Variants in REEP3 observed in about 807,000 individuals in gnomAD.
REEP3 encodes receptor accessory protein 3.
A neutral mutation model predicts 41.3 loss-of-function variants in REEP3; 20 were observed. The observed-to-expected ratio is 0.48, with a 90% CI of 0.34 to 0.70. The LOEUF is 0.70. Ranked by LOEUF, REEP3 falls within the 30% of genes least tolerant of loss-of-function variation. REEP3 has a pLI of 0.01. For synonymous variants in REEP3, 104 were observed against 101.8 expected (o/e 1.02, Z -0.13); for missense variants, 271 against 308.8 (o/e 0.88, Z 0.92).
intron 2 of REEP3, among the ~76,000 whole-genome samples, chr10:63,586,394 A>G (rs935032676): frequency 1.3e-5 from 2 of 152,202 alleles, no homozygotes; most frequent in African/African-American, 4.8e-5. Context: ...CTTCAAAAGA[A>G]CTTGCCTAAT....
intron 7 of REEP3, 68 bp downstream of exon 7, chr10:63,619,868 G>A (rs369786438): frequency 4.1e-6 from 5 of 1,207,978 alleles, no homozygotes; most frequent in Non-Finnish European, 5.7e-6. Flanking sequence ...TATCATTTAG[G>A]ATATTAATGA....
At chr10:63,533,349 A>G (rs537198122) in intron 1 of REEP3, among the ~76,000 whole-genome samples, 1 of 152,262 alleles carries the variant, frequency 6.6e-6, no homozygotes, top group African/African-American at 2.4e-5. Flanking sequence ...ATATTTGGTG[A>G]TATTTGCCTA....
chr10:63,557,303 A>G (rs1217721261), intron 1 of REEP3, among the ~76,000 whole-genome samples: 1 of 152,222 alleles, frequency 6.6e-6, no homozygotes, highest in Non-Finnish European at 1.5e-5. Flanking sequence ...AGAAGTATAT[A>G]ACTTGAAGAG....
chr10:63,598,079 T>C lies in REEP3; in HGVS notation c.238T>C (p.Tyr80His). The C allele has an allele frequency of 6.2e-7, 1 of 1,603,662 alleles. No homozygotes were observed. The highest frequency in any genetic ancestry group is 8.5e-7 in the Non-Finnish European group (1 of 1,170,756). The part of the protein sequence containing the change: ...IAFVIWLLSP[Y>H]TKGASLIYRK... ...TTTTGTCATATGGCTGCTTTCTCCC[T>C]ATACCAAAGGAGCAAGTTTAATATA... Residue 80 changes from tyrosine (Y) to histidine (H), a missense_variant, in exon 4 of 8, where the codon TAT becomes CAT. Transcript: ENST00000373758.
At chr10:63,558,946 T>C (rs976345259) in intron 1 of REEP3, among the ~76,000 whole-genome samples, 1 of 152,148 alleles carries the variant, frequency 6.6e-6, no homozygotes, top group African/African-American at 2.4e-5. Context: ...AGTTTACCTC[T>C]AGTCTCATTG....
chr10:63,577,400 C>T (rs1955907511), intron 2 of REEP3, among the ~76,000 whole-genome samples: 1 of 152,050 alleles, frequency 6.6e-6, no homozygotes, highest in African/African-American at 2.4e-5. Flanking sequence ...AGATGTACAG[C>T]CATCCTTCCT....
intron 1 of REEP3, among the ~76,000 whole-genome samples, chr10:63,540,374 T>C (rs1955517861): frequency 6.6e-6 from 1 of 152,246 alleles, no homozygotes; most frequent in African/African-American, 2.4e-5. Context: ...CTTGAAAAGA[T>C]CATTTGTAAA....
intron 2 of REEP3, among the ~76,000 whole-genome samples, chr10:63,593,548 G>A (rs969716408): frequency 2.6e-5 from 4 of 152,114 alleles, no homozygotes; most frequent in Admixed American, 6.5e-5. Flanking sequence ...GTTTATCAAC[G>A]TAATTCCTCG....
At chr10:63,581,505 C>T (rs148421200) in intron 2 of REEP3, among the ~76,000 whole-genome samples, 4,614 of 152,216 alleles carry the variant, frequency 0.03, 247 homozygotes, top group African/African-American at 0.1. Flanking sequence ...CTTTGGGAGG[C>T]TGAGGTAGGA....
chr10:63,579,723 G>A (rs1320858195), intron 2 of REEP3, among the ~76,000 whole-genome samples: 1 of 152,234 alleles, frequency 6.6e-6, no homozygotes, highest in African/African-American at 2.4e-5. Context: ...AGTGCCAATG[G>A]AAATGGATTT....
rs373052199 is a variant in REEP3, at chr10:63,577,329, G to C, written c.105+10919G>C. Among the ~76,000 whole-genome samples the C allele has an allele frequency of 3.9e-5, 6 of 152,276 alleles. No homozygotes were observed. In the South Asian group the frequency reaches 1.2e-3, roughly 32 times the overall value. On this transcript the variant is annotated intron_variant, in intron 2 of 7. Coordinates refer to ENST00000373758, the MANE Select transcript of REEP3 (RefSeq NM_001001330.3). ...AAACATAAGGGTTTCCCTGGGGAAG[G>C]AGGGACATTGACAGGCTTCTGGAAT...
chr10:63,570,111 C>T (rs1589871014), intron 2 of REEP3, among the ~76,000 whole-genome samples: 1 of 151,988 alleles, frequency 6.6e-6, no homozygotes, highest in South Asian at 2.1e-4. Context: ...TGATACAACA[C>T]TCAGATTTTC....
At chr10:63,597,918 AAAC>A in intron 3 of REEP3, 103 bp from the exon 4 acceptor site, 1 of 1,046,236 alleles carries the variant, frequency 9.6e-7, no homozygotes, top group Non-Finnish European at 1.4e-6. Flanking sequence ...AAAAAAAAAA[AAAC>A]AAAAAACAGC....
intron 3 of REEP3, among the ~76,000 whole-genome samples, chr10:63,596,699 A>G (rs1206472885): frequency 6.6e-6 from 1 of 152,212 alleles, no homozygotes; most frequent in Non-Finnish European, 1.5e-5. Flanking sequence ...TAGAAAAGCA[A>G]ACTTTTATTT....
Position 63,598,008 on chromosome 10 carries a change from A to G in REEP3, c.183-16A>G. On this transcript the variant is annotated splice_polypyrimidine_tract_variant and intron_variant, in intron 3 of 7. Coordinates refer to ENST00000373758, the MANE Select transcript of REEP3 (RefSeq NM_001001330.3). ...TTTTTCACTGGCAGTTTATTTCCAA[A>G]TGTTTTTCTTATTAGGTTTCCCCTG... 6.3e-6 allele frequency: 10 copies of G among 1,590,110 alleles called. No homozygotes were observed. The highest frequency in any genetic ancestry group is 8.5e-6 in the Non-Finnish European group (10 of 1,170,804).
intron 1 of REEP3, among the ~76,000 whole-genome samples, chr10:63,562,133 G>C (rs1192160784): frequency 6.6e-6 from 1 of 152,074 alleles, no homozygotes; most frequent in Admixed American, 6.6e-5. Context: ...AGTGGTGGGG[G>C]TGCTAAGTTA....
chr10:63,613,168 C>T (rs1030561669), intron 6 of REEP3, among the ~76,000 whole-genome samples: 3 of 152,068 alleles, frequency 2.0e-5, no homozygotes, highest in Non-Finnish European at 4.4e-5. Context: ...TGCACCACCA[C>T]GCCTGGCTAA....
intron 2 of REEP3, among the ~76,000 whole-genome samples, chr10:63,569,503 C>T (rs932743936): frequency 6.7e-6 from 1 of 149,842 alleles, no homozygotes; most frequent in African/African-American, 2.5e-5. Flanking sequence ...GAAAAGAAAG[C>T]TAAGTACAAA....
chr10:63,572,305 C>CTT lies in REEP3; in HGVS notation c.105+5905_105+5906dup, dbSNP rs11397106. On this transcript the variant is annotated intron_variant, in intron 2 of 7. Transcript: ENST00000373758. The stretch of plus-strand genomic sequence containing the variant: ...AACTTAGCCATCTAATTTAAACCGA[C>CTT]TTTTTTTTTTTAATTATACTTTAAG... Among the ~76,000 whole-genome samples the CTT allele has an allele frequency of 1.4e-3, 215 of 149,050 alleles. 1 individual carries two copies. The highest frequency in any genetic ancestry group is 4.1e-3 in the African/African-American group (165 of 40,604).
Sources: allele counts gnomAD v4.1 joint callset (sites outside exome capture counted in the v4.1 genomes callset), GRCh38; gene constraint gnomAD v4.1.1; transcripts MANE v1.5; gene names NCBI Gene and HGNC (gene_info 2026-07-23, HGNC 2026-07-21).